SMPD3: variants seen among roughly 807,000 people sequenced by gnomAD.
SMPD3 encodes nSMase-2.
SMPD3 carries 21 observed loss-of-function variants against 55.7 expected under a neutral mutation model. That is an observed-to-expected ratio of 0.38 (90% CI 0.27 to 0.54). The LOEUF (loss-of-function observed/expected upper bound fraction) is 0.54, where lower values mean the gene tolerates loss of function less well. Among genes scored for constraint, SMPD3 ranks in the 20% least tolerant of loss-of-function variants. The pLI is 0.80. For synonymous variants in SMPD3, 457 were observed against 404.3 expected (o/e 1.13, Z -1.56); for missense variants, 842 against 899.6 (o/e 0.94, Z 0.82).
intron 2 of SMPD3, among the ~76,000 whole-genome samples, chr16:68,375,424 G>A (rs913943549): frequency 9.8e-5 from 15 of 152,306 alleles, no homozygotes; most frequent in East Asian, 5.8e-4. Flanking sequence ...CCATGCTGCC[G>A]TCCTGGCAGA....
chr16:68,427,753 G>GGC (rs1321132341), intron 1 of SMPD3, among the ~76,000 whole-genome samples: 1 of 70,276 alleles, frequency 1.4e-5, no homozygotes, highest in East Asian at 2.7e-3. Context: ...AAAAATGACT[G>GGC]GGGGGGGGTG....
chr16:68,436,409 T>C (rs2152032533), intron 1 of SMPD3, among the ~76,000 whole-genome samples: 1 of 152,326 alleles, frequency 6.6e-6, no homozygotes, highest in Middle Eastern at 3.4e-3. Flanking sequence ...GGTAGGATTA[T>C]GCTTCCAGTG....
At chr16:68,364,724 C>T in intron 5 of SMPD3, 27 bp downstream of exon 5, 2 of 1,598,790 alleles carry the variant, frequency 1.3e-6, no homozygotes, top group Non-Finnish European at 1.7e-6. Flanking sequence ...GAGCTGGAGA[C>T]CTGAGTGGGG....
intron 1 of SMPD3, among the ~76,000 whole-genome samples, chr16:68,408,238 A>G (rs1431959630): frequency 1.3e-5 from 2 of 152,236 alleles, no homozygotes; most frequent in Non-Finnish European, 2.9e-5. Flanking sequence ...TAAAACTTCA[A>G]TCTGCAAAGG....
intron 1 of SMPD3, among the ~76,000 whole-genome samples, chr16:68,441,727 T>A (rs2090567452): frequency 6.6e-6 from 1 of 152,128 alleles, no homozygotes; most frequent in Non-Finnish European, 1.5e-5. Flanking sequence ...TTCCTATTTT[T>A]TTCTATTATT....
intron 1 of SMPD3, among the ~76,000 whole-genome samples, chr16:68,391,195 T>C (rs1233542064): frequency 6.6e-6 from 1 of 152,218 alleles, no homozygotes; most frequent in Non-Finnish European, 1.5e-5. Context: ...AACAAAATGT[T>C]AATTCCTCAT....
At position 68,448,480 on chromosome 16, in the gene SMPD3, G is replaced by C. The variant is rs895769412; in HGVS notation, c.-396C>G. ...AGCGGCGGCGGCTCTCGCGGCTCTC[G>C]GGTCCGGAGCCTCCCTCAGACTCAG... On this transcript the variant is annotated 5_prime_UTR_variant, in exon 1 of 9. Transcript: ENST00000219334. The C allele has an allele frequency of 6.6e-6, 1 of 152,250 alleles. No homozygotes were observed. The highest frequency in any genetic ancestry group is 2.4e-5 in the African/African-American group (1 of 41,426). 9.4% of individuals were successfully genotyped at this position (152,250 alleles called of 1,614,324 possible). A position where few individuals can be genotyped will look rare whatever the true frequency, so the allele number is the denominator to read the frequency against.
intron 1 of SMPD3, among the ~76,000 whole-genome samples, chr16:68,412,139 C>T (rs955395984): frequency 2.0e-5 from 3 of 152,086 alleles, no homozygotes; most frequent in African/African-American, 7.2e-5. Flanking sequence ...CTGGGGAAGG[C>T]CTGGGGCAAC....
intron 2 of SMPD3, among the ~76,000 whole-genome samples, chr16:68,381,278 C>T (rs2089945627): frequency 6.6e-6 from 1 of 152,200 alleles, no homozygotes; most frequent in Non-Finnish European, 1.5e-5. Context: ...GCACACGGCA[C>T]CATGAAAGCC....
rs939262619 is a variant in SMPD3, at chr16:68,399,335, G to A, written c.-268-12676C>T. Among the ~76,000 whole-genome samples the A allele has an allele frequency of 4.1e-4, 63 of 152,204 alleles. 1 individual carries two copies. Among genetic ancestry groups the A allele is most frequent in the African/African-American group, 1.4e-3 (60 of 41,446 alleles). The stretch of plus-strand genomic sequence containing the variant: ...GAAGGTCAGGAGGTGAGAAGGAGGA[G>A]CCACCTTCTTACCCCCACTGCCCCA... On this transcript the variant is annotated intron_variant, in intron 1 of 8. Transcript: ENST00000219334.
intron 1 of SMPD3, among the ~76,000 whole-genome samples, chr16:68,409,979 A>G (rs1055693487): frequency 6.6e-6 from 1 of 152,096 alleles, no homozygotes; most frequent in African/African-American, 2.4e-5. Flanking sequence ...GAGGTTTCAC[A>G]CCTCATGGGA....
rs115721390 is a variant in SMPD3 at position 68,372,262 on chromosome 16, C to T, written c.-81G>A. 3,383 of 1,548,906 alleles carry T rather than the reference C, an allele frequency of 2.2e-3. 48 individuals are homozygous for T. The African/African-American group carries it at 0.034, about 15-fold the overall frequency. ...GGGCACTTTCCTGGGCGAGGGTGGG[C>T]GAGTTGGGGGCAGCTGGAGGAGGGG... On this transcript the variant is annotated 5_prime_UTR_variant, in exon 3 of 9. Coordinates refer to ENST00000219334, the MANE Select transcript of SMPD3 (RefSeq NM_018667.4).
chr16:68,367,041 G>T (rs2089501645), intron 3 of SMPD3, among the ~76,000 whole-genome samples: 2 of 150,776 alleles, frequency 1.3e-5, no homozygotes, highest in Non-Finnish European at 2.9e-5. Context: ...GGGTGTGCAT[G>T]CCTGTAACCC....
chr16:68,363,088 A>G (rs1185815424), intron 7 of SMPD3, among the ~76,000 whole-genome samples: 1 of 152,052 alleles, frequency 6.6e-6, no homozygotes, highest in Non-Finnish European at 1.5e-5. Flanking sequence ...TGGTGTCTGT[A>G]TTTGCCTGAT....
intron 1 of SMPD3, among the ~76,000 whole-genome samples, chr16:68,422,822 A>C (rs886463935): frequency 5.9e-5 from 9 of 152,024 alleles, no homozygotes; most frequent in Non-Finnish European, 8.8e-5. Flanking sequence ...GCTGGGCTGC[A>C]CTGGTTCCTT....
At chr16:68,446,494 C>CACACACAA (rs1188636647) in intron 1 of SMPD3, among the ~76,000 whole-genome samples, 1 of 151,292 alleles carries the variant, frequency 6.6e-6, no homozygotes, top group Non-Finnish European at 1.5e-5. Flanking sequence ...TACACACACA[C>CACACACAA]ACACACACAC....
chr16:68,438,914 C>T (rs1312992079), intron 1 of SMPD3, among the ~76,000 whole-genome samples: 2 of 152,208 alleles, frequency 1.3e-5, no homozygotes, highest in Non-Finnish European at 2.9e-5. Context: ...GGTCCTCTTA[C>T]TGTCTGCGTG....
chr16:68,421,347 G>A (rs1240273836), intron 1 of SMPD3, among the ~76,000 whole-genome samples: 1 of 152,180 alleles, frequency 6.6e-6, no homozygotes, highest in Non-Finnish European at 1.5e-5. Flanking sequence ...TGTAACTCAA[G>A]GTAAAGAGCT....
rs186610182 is a variant in SMPD3, at chr16:68,370,904, C to T, written c.1278G>A (p.Lys426=). ...TAGAGGCCAGGGCATCGTCGTTACA[C>T]TTGTTGGGGTAACAGTGATAGGCCA... The part of the protein sequence containing the change: ...MDVAYHCYPN[K]CNDDALASKG... Residue 426 remains lysine, a synonymous_variant, in exon 3 of 9, where the codon AAG becomes AAA. Transcript: ENST00000219334. 2 of 1,614,132 alleles carry T rather than the reference C, an allele frequency of 1.2e-6. No individual in the cohort carries two copies. The highest frequency in any genetic ancestry group is 4.5e-5 in the East Asian group (2 of 44,880).
Sources: gnomAD v4.1 joint callset for allele counts (sites outside exome capture counted in the v4.1 genomes callset) on GRCh38, gnomAD v4.1.1 for gene constraint, MANE v1.5 for transcripts, NCBI Gene and HGNC (gene_info 2026-07-23, HGNC 2026-07-21) for gene names.